The following CD22 variants were observed in gnomAD, a reference collection of about 807,000 sequenced individuals.
CD22 encodes CD22 molecule.
In CD22, 51 loss-of-function variants were observed where a neutral mutation model predicts 94.7. That is an observed-to-expected ratio of 0.54 (90% confidence interval 0.43 to 0.68). CD22 has a LOEUF of 0.68. Among genes scored for constraint, CD22 ranks in the 30% least tolerant of loss-of-function variants. The pLI is 0.00. For synonymous variants in CD22, 424 were observed against 422.5 expected (o/e 1.00, Z -0.04); for missense variants, 931 against 1,060.4 (o/e 0.88, Z 1.69).
intron 3 of CD22, among the ~76,000 whole-genome samples, chr19:35,334,419 A>G (rs2066688751): frequency 6.6e-6 from 1 of 151,824 alleles, no homozygotes; most frequent in Non-Finnish European, 1.5e-5. Context: ...AGTAAAACGA[A>G]CATCTTATAA....
chr19:35,338,716 C>T (rs56220938), intron 6 of CD22, among the ~76,000 whole-genome samples: 58,150 of 151,730 alleles, frequency 0.38, 11,306 homozygotes, highest in Middle Eastern at 0.48. Flanking sequence ...GCAAGCTCCA[C>T]CTTCCCGGGT....
Position 35,329,216 on chromosome 19 carries a change from GAC to G in CD22, c.-34_-33del. 3 of 1,289,638 alleles carry G rather than the reference GAC, an allele frequency of 2.3e-6. No individual in the cohort carries two copies. Among genetic ancestry groups the G allele is most frequent in the Non-Finnish European group, 3.0e-6 (3 of 988,722 alleles). The allele number at this position is 1,289,638 out of a possible 1,614,324, so 79.9% of individuals were successfully genotyped here. A position where few individuals can be genotyped will look rare whatever the true frequency, so the allele number is the denominator to read the frequency against. On this transcript the variant is annotated 5_prime_UTR_variant, in exon 1 of 14. Coordinates refer to ENST00000085219, the MANE Select transcript of CD22 (RefSeq NM_001771.4). Reference sequence around the variant, plus strand: ...GCTGCCAGGGTCCCTGAAGAGGGAAGACACGCGGAAACAGGTAAAAATCATTT... The same window carrying G: ...GCTGCCAGGGTCCCTGAAGAGGGAAGACGCGGAAACAGGTAAAAATCATTT...
chr19:35,341,850 C>T lies in CD22; in HGVS notation c.1920C>T (p.His640=), dbSNP rs1446438422. Residue 640 remains histidine (H), a synonymous_variant, in exon 9 of 14, where the codon CAC becomes CAT. Coordinates refer to ENST00000085219, the MANE Select transcript of CD22 (RefSeq NM_001771.4). This position sits in a 1 kb window ranked among gnomAD's most constrained non-coding sequence, Gnocchi z 4.0. ...GGAATAACCAAAGCCTCCCCTACCACAGCCAGAAGCTGAGATTGGAGCCGG... is the reference window on the plus strand; with the variant it reads ...GGAATAACCAAAGCCTCCCCTACCATAGCCAGAAGCTGAGATTGGAGCCGG... ...FDWNNQSLPY[H]SQKLRLEPVK... 2 of 1,614,066 alleles carry T rather than the reference C, an allele frequency of 1.2e-6. No individual in the cohort carries two copies. The highest frequency in any genetic ancestry group is 1.3e-5 in the African/African-American group (1 of 74,912).
At chr19:35,339,126 C>T (rs2066769065) in intron 6 of CD22, among the ~76,000 whole-genome samples, 1 of 152,078 alleles carries the variant, frequency 6.6e-6, no homozygotes, top group Admixed American at 6.5e-5. Context: ...GTCCCAGCTA[C>T]TGGGGAGGCT....
intron 3 of CD22, 38 bp from the exon 4 acceptor site, chr19:35,335,998 G>A (rs1221100324): frequency 6.3e-7 from 1 of 1,578,962 alleles, no homozygotes; most frequent in African/African-American, 1.4e-5. Flanking sequence ...CACGTCCTCA[G>A]TCCCCCAGGC....
chr19:35,346,077 C>A, intron 12 of CD22, 74 bp from the exon 13 acceptor site: 1 of 1,146,244 alleles, frequency 8.7e-7, no homozygotes, highest in Non-Finnish European at 1.3e-6. Context: ...CTGTTGGGGG[C>A]TCTGGGTGTT....
At position 35,341,438 on chromosome 19, in the gene CD22, C is replaced by T. The variant is rs1463236217; in HGVS notation, c.1603C>T (p.His535Tyr). ...CCTCCAATGTGACTTCTCAAGCAGC[C>T]ACCCCAAAGAAGTCCAGTTCTTCTG... ...VSLQCDFSSS[H>Y]PKEVQFFWEK... The change falls in exon 8 of 14, where the codon CAC becomes TAC. Residue 535 changes from histidine (H) to tyrosine (Y), a missense_variant. Transcript: ENST00000085219. This position sits in a 1 kb window ranked among gnomAD's most constrained non-coding sequence, Gnocchi z 4.0. The T allele has an allele frequency of 6.2e-7, 1 of 1,614,066 alleles. No homozygotes were observed. The highest frequency in any genetic ancestry group is 8.5e-7 in the Non-Finnish European group (1 of 1,180,022).
chr19:35,343,360 A>G (rs907654034), intron 9 of CD22, among the ~76,000 whole-genome samples: 1 of 152,022 alleles, frequency 6.6e-6, no homozygotes, highest in Non-Finnish European at 1.5e-5. Flanking sequence ...ATCCCCACCA[A>G]AGGTCCTCAC....
chr19:35,340,948 C>A lies in CD22; in HGVS notation c.1317C>A (p.Thr439=). ...CGATTCGAGAAGGAGACACAGTGAC[C>A]CTTTCCTGTAACTACAATTCCAGTA... ...PMPIREGDTV[T]LSCNYNSSNP... The change falls in exon 7 of 14, where the codon ACC becomes ACA. Residue 439 remains threonine, a synonymous_variant. Transcript: ENST00000085219. 11 of 1,614,144 alleles carry A rather than the reference C, an allele frequency of 6.8e-6. No individual in the cohort carries two copies. The highest frequency in any genetic ancestry group is 9.3e-6 in the Non-Finnish European group (11 of 1,179,998).
chr19:35,336,801 T>TA (rs1418437035), intron 4 of CD22: 1 of 176,966 alleles, frequency 5.7e-6, no homozygotes, highest in East Asian at 1.5e-4. Flanking sequence ...ACCAAAGAAA[T>TA]ACAGAGCATG....
chr19:35,343,489 C>T (rs1041098806), intron 9 of CD22, among the ~76,000 whole-genome samples: 9 of 152,066 alleles, frequency 5.9e-5, no homozygotes, highest in Non-Finnish European at 1.3e-4. Context: ...ATGACACAGA[C>T]GAGGCAGAGC....
chr19:35,338,569 G>C (rs764778695), intron 6 of CD22, 138 bp downstream of exon 6: 1 of 814,484 alleles, frequency 1.2e-6, no homozygotes, highest in Non-Finnish European at 1.9e-6. Context: ...CACAACTGCT[G>C]TCTCAGCTCC....
Position 35,341,522 on chromosome 19 carries a change from C to T in CD22, c.1687C>T (p.Pro563Ser). 6.2e-7 allele frequency: 1 copy of T among 1,614,118 alleles called. No individual in the cohort carries two copies. Among genetic ancestry groups the T allele is most frequent in the Non-Finnish European group, 8.5e-7 (1 of 1,180,006 alleles). The change falls in exon 8 of 14, where the codon CCA (proline) becomes TCA (serine). Residue 563 changes from proline (P) to serine (S), a missense_variant. By Grantham distance (74) the Pro-to-Ser change is moderately conservative. Transcript: ENST00000085219. The surrounding 1 kb of genome is among the most constrained non-coding windows in gnomAD (Gnocchi z 4.0). Reference protein sequence around the residue: ...ESQLNFDSISPEDAGSYSCWV... With the variant: ...ESQLNFDSISSEDAGSYSCWV... ...CCAGCTGAATTTTGACTCCATCTCC[C>T]CAGAAGATGCTGGGAGTTACAGCTG... is the stretch of plus-strand genomic sequence containing the variant.
chr19:35,336,429 G>A, intron 4 of CD22, 88 bp downstream of exon 4: 1 of 1,342,898 alleles, frequency 7.4e-7, no homozygotes, highest in Non-Finnish European at 1.0e-6. Flanking sequence ...CAGGGCAGGG[G>A]GAAGCCTGCA....
intron 11 of CD22, 152 bp downstream of exon 11, chr19:35,345,278 G>C (rs552312720): frequency 3.0e-6 from 2 of 661,294 alleles, no homozygotes; most frequent in Admixed American, 4.9e-5. Flanking sequence ...AAAATTAGCC[G>C]GGCGTGATGG....
intron 3 of CD22, among the ~76,000 whole-genome samples, chr19:35,334,607 C>T (rs1353309992): frequency 6.6e-6 from 1 of 152,124 alleles, no homozygotes; most frequent in South Asian, 2.1e-4. Context: ...CTTCAGACCC[C>T]GCTGTCTGAA....
chr19:35,336,364 T>G (rs756526228), intron 4 of CD22, 23 bp downstream of exon 4: 1 of 1,607,932 alleles, frequency 6.2e-7, no homozygotes, highest in Admixed American at 1.7e-5. Flanking sequence ...GGCATGCCTG[T>G]GGGAAGGGCA....
rs564128750 is a variant in CD22, at chr19:35,341,590, G to C, written c.1755G>C (p.Trp585Cys). 5 of 1,611,792 alleles carry C rather than the reference G, an allele frequency of 3.1e-6. No homozygotes were observed. Among genetic ancestry groups the C allele is most frequent in the Admixed American group, 3.3e-5 (2 of 60,002 alleles). The change falls in exon 8 of 14, where the codon TGG (tryptophan) becomes TGC (cysteine). Residue 585 changes from tryptophan (W) to cysteine (C), a missense_variant. Trp to Cys is a radical substitution (Grantham distance 215, BLOSUM62 -2). Transcript: ENST00000085219. This position sits in a 1 kb window ranked among gnomAD's most constrained non-coding sequence, Gnocchi z 4.0. ...NSIGQTASKA[W>C]TLEVLYAPRR... ...TAGGACAGACAGCGTCCAAGGCCTG[G>C]ACACTTGAAGTGCTGTGTGAGTGAG...
intron 9 of CD22, among the ~76,000 whole-genome samples, chr19:35,343,442 T>C (rs1006163711): frequency 1.3e-5 from 2 of 152,150 alleles, no homozygotes; most frequent in African/African-American, 4.8e-5. Flanking sequence ...ACACGCACAA[T>C]TCACACACAG....
Sources: allele counts gnomAD v4.1 joint callset (sites outside exome capture counted in the v4.1 genomes callset), GRCh38; gene constraint gnomAD v4.1.1; non-coding constraint Gnocchi (gnomAD v3.1); transcripts MANE v1.5; gene names NCBI Gene and HGNC (gene_info 2026-07-23, HGNC 2026-07-21).